Variants in ITGBL1 observed in about 807,000 individuals in gnomAD.
The protein encoded by ITGBL1 is integrin beta-like protein 1.
ITGBL1 carries 51 observed loss-of-function variants against 68.5 expected under a neutral mutation model. The observed-to-expected ratio is 0.74, with a 90% CI of 0.59 to 0.94. The LOEUF is 0.94. ITGBL1 is among the 40% of genes least tolerant of loss of function. The probability of loss-of-function intolerance (pLI) is 0.00; values close to 1 mark genes in which losing one functional copy is unlikely to be tolerated. For synonymous variants in ITGBL1, 209 were observed against 227.3 expected (o/e 0.92, Z 0.72); for missense variants, 649 against 647.4 (o/e 1.00, Z -0.03).
intron 7 of ITGBL1, among the ~76,000 whole-genome samples, chr13:101,614,881 C>T (rs1168528377): frequency 6.6e-6 from 1 of 152,144 alleles, no homozygotes; most frequent in African/African-American, 2.4e-5. Context: ...GATTTTGAAA[C>T]ACCACTTCTG....
At chr13:101,481,465 G>A (rs1477322006) in intron 2 of ITGBL1, among the ~76,000 whole-genome samples, 1 of 152,034 alleles carries the variant, frequency 6.6e-6, no homozygotes, top group Non-Finnish European at 1.5e-5. Flanking sequence ...ATTGGAGACT[G>A]GGTTAAGAGG....
At chr13:101,496,218 C>T (rs1357528380) in intron 2 of ITGBL1, among the ~76,000 whole-genome samples, 1 of 152,120 alleles carries the variant, frequency 6.6e-6, no homozygotes, top group Non-Finnish European at 1.5e-5. Flanking sequence ...CCAATGTAAT[C>T]TAGAGGTAGA....
At chr13:101,494,529 T>C (rs1331805486) in intron 2 of ITGBL1, among the ~76,000 whole-genome samples, 1 of 152,222 alleles carries the variant, frequency 6.6e-6, no homozygotes, top group Non-Finnish European at 1.5e-5. Flanking sequence ...TACAGAGCTC[T>C]AACTTCAGTG....
At chr13:101,672,516 A>G (rs1169718899) in intron 7 of ITGBL1, among the ~76,000 whole-genome samples, 1 of 152,216 alleles carries the variant, frequency 6.6e-6, no homozygotes, top group Non-Finnish European at 1.5e-5. Context: ...TAAGGAGCAG[A>G]CAAGATGGTT....
intron 8 of ITGBL1, among the ~76,000 whole-genome samples, chr13:101,705,274 CTT>C (rs147312301): frequency 0.023 from 2,546 of 109,610 alleles, 63 homozygotes; most frequent in African/African-American, 0.083. Context: ...GAAAATCTCT[CTT>C]ATTTAATTTA....
Position 101,692,609 on chromosome 13 carries a change from C to G in ITGBL1, c.1040C>G (p.Thr347Ser). 1 of 1,613,516 alleles carries G rather than the reference C, an allele frequency of 6.2e-7. No individual in the cohort carries two copies. Among genetic ancestry groups the G allele is most frequent in the Non-Finnish European group, 8.5e-7 (1 of 1,179,496 alleles). ...GGTAAATGTGAATGTGGCAAATGCACCTGCTATCCTCCAGGAGATCGCCGG... is the reference window on the plus strand; with the variant it reads ...GGTAAATGTGAATGTGGCAAATGCAGCTGCTATCCTCCAGGAGATCGCCGG... ...GRGKCECGKC[T>S]CYPPGDRRVY... The change falls in exon 8 of 11, where the codon ACC (threonine) becomes AGC (serine). Residue 347 changes from threonine to serine, a missense_variant. By Grantham distance (58) the Thr-to-Ser change is moderately conservative. Coordinates refer to ENST00000376180, the MANE Select transcript of ITGBL1 (RefSeq NM_004791.3).
At chr13:101,624,651 A>C (rs1281717800) in intron 7 of ITGBL1, among the ~76,000 whole-genome samples, 3 of 152,124 alleles carry the variant, frequency 2.0e-5, no homozygotes, top group African/African-American at 4.8e-5. Context: ...CCCTGTCACC[A>C]TTTGGAGAAT....
intron 2 of ITGBL1, among the ~76,000 whole-genome samples, chr13:101,551,360 T>A (rs140789173): frequency 6.6e-6 from 1 of 152,156 alleles, no homozygotes; most frequent in East Asian, 1.9e-4. Flanking sequence ...AGTTGTATGG[T>A]TTAAGGGGAG....
At chr13:101,554,694 C>A (rs1594887347) in intron 2 of ITGBL1, among the ~76,000 whole-genome samples, 1 of 152,190 alleles carries the variant, frequency 6.6e-6, no homozygotes, top group East Asian at 1.9e-4. Flanking sequence ...CAGGGATATG[C>A]AGTTTGGACC....
chr13:101,519,483 C>T (rs916340543), intron 2 of ITGBL1, among the ~76,000 whole-genome samples: 13 of 152,186 alleles, frequency 8.5e-5, no homozygotes, highest in Non-Finnish European at 1.6e-4. Flanking sequence ...TCTCTCTCTC[C>T]CTTTACTCCC....
rs373082645 is a variant in ITGBL1 at position 101,706,761 on chromosome 13, G to A, written c.1138G>A (p.Gly380Ser). ...DLDGVVCGGH[G>S]TCSCGRCVCE... is the part of the protein sequence containing the mutation. Reference sequence around the variant, plus strand: ...TTCCTGTGGTTGCTTCACAGGCCACGGCACATGTTCCTGTGGTCGCTGTGT... The same window carrying A: ...TTCCTGTGGTTGCTTCACAGGCCACAGCACATGTTCCTGTGGTCGCTGTGT... Residue 380 changes from glycine to serine, a missense_variant, in exon 9 of 11, where the codon GGC (glycine) becomes AGC (serine). By Grantham distance (56) the Gly-to-Ser change is moderately conservative. Transcript: ENST00000376180. The A allele has an allele frequency of 4.8e-5, 78 of 1,613,766 alleles. No individual in the cohort carries two copies. The highest frequency in any genetic ancestry group is 6.2e-5 in the Non-Finnish European group (73 of 1,179,874).
chr13:101,535,168 G>A (rs528486510), intron 2 of ITGBL1, among the ~76,000 whole-genome samples: 12 of 152,006 alleles, frequency 7.9e-5, no homozygotes, highest in South Asian at 2.1e-4. Flanking sequence ...ATATATCTAC[G>A]TGGTGATAAT....
intron 2 of ITGBL1, among the ~76,000 whole-genome samples, chr13:101,527,952 C>G (rs1356844734): frequency 6.6e-6 from 1 of 151,808 alleles, no homozygotes; most frequent in African/African-American, 2.4e-5. Context: ...AGTAATTTTT[C>G]CCATTCCATA....
chr13:101,534,976 GT>G (rs1236790354), intron 2 of ITGBL1, among the ~76,000 whole-genome samples: 1 of 152,098 alleles, frequency 6.6e-6, no homozygotes, highest in East Asian at 1.9e-4. Flanking sequence ...AAAGATGATT[GT>G]GACCACCATG....
At chr13:101,582,264 C>A (rs1332215194) in intron 5 of ITGBL1, among the ~76,000 whole-genome samples, 1 of 151,928 alleles carries the variant, frequency 6.6e-6, no homozygotes, top group Non-Finnish European at 1.5e-5. Context: ...CCAAAATTTT[C>A]AATTTTTATG....
At chr13:101,708,496 C>T (rs1319210888) in intron 9 of ITGBL1, among the ~76,000 whole-genome samples, 2 of 152,150 alleles carry the variant, frequency 1.3e-5, no homozygotes, top group Non-Finnish European at 2.9e-5. Flanking sequence ...GCTAGAGACA[C>T]TGAATCCTGT....
At chr13:101,584,901 TCACAGTGC>T (rs1163587700) in intron 6 of ITGBL1, among the ~76,000 whole-genome samples, 1 of 151,642 alleles carries the variant, frequency 6.6e-6, no homozygotes, top group African/African-American at 2.4e-5. Flanking sequence ...GGCTATTGGA[TCACAGTGC>T]ATGTGGGTTT....
intron 2 of ITGBL1, among the ~76,000 whole-genome samples, chr13:101,498,480 G>A (rs2048890916): frequency 6.6e-6 from 1 of 152,182 alleles, no homozygotes. Flanking sequence ...ATCCAAGACA[G>A]ATGGTAAGGG....
chr13:101,656,270 CTTT>C (rs2032921270), intron 7 of ITGBL1, among the ~76,000 whole-genome samples: 1 of 152,142 alleles, frequency 6.6e-6, no homozygotes, highest in Admixed American at 6.5e-5. Flanking sequence ...AGGTGCTAGA[CTTT>C]TAGTTAATCT....
Sources: allele counts gnomAD v4.1 joint callset (sites outside exome capture counted in the v4.1 genomes callset), GRCh38; gene constraint gnomAD v4.1.1; transcripts MANE v1.5; gene names NCBI Gene and HGNC (gene_info 2026-07-23, HGNC 2026-07-21).